MYOF: variants seen among roughly 807,000 people sequenced by gnomAD.
MYOF encodes the protein fer-1-like 3, myoferlin.
In MYOF, 244 loss-of-function variants were observed where a neutral mutation model predicts 284.2. That is an observed-to-expected ratio of 0.86 (90% CI 0.77 to 0.95). MYOF has a LOEUF of 0.95. Among genes scored for constraint, MYOF ranks in the 40% least tolerant of loss-of-function variants. MYOF has a pLI of 0.00. For synonymous variants in MYOF, 904 were observed against 919.7 expected (o/e 0.98, Z 0.31); for missense variants, 2,496 against 2,560.6 (o/e 0.97, Z 0.54).
intron 7 of MYOF, among the ~76,000 whole-genome samples, chr10:93,406,953 T>C (rs1238912350): frequency 6.6e-6 from 1 of 152,182 alleles, no homozygotes; most frequent in Non-Finnish European, 1.5e-5. Flanking sequence ...GACATAGGCC[T>C]GAGGAATCCC....
At position 93,452,156 on chromosome 10, in the gene MYOF, GT is replaced by G; in HGVS notation, c.145-16del. ...AACTCCAAAATCTGTTCACAGAAAG[GT>G]TTTGAAAAAAGAGAAAAAAAAAGGC... On this transcript the variant is annotated splice_polypyrimidine_tract_variant and intron_variant, in intron 2 of 53. Transcript: ENST00000359263. 1 of 1,570,250 alleles carries G rather than the reference GT, an allele frequency of 6.4e-7. No individual in the cohort carries two copies. Among genetic ancestry groups the G allele is most frequent in the Non-Finnish European group, 8.7e-7 (1 of 1,152,344 alleles).
At position 93,328,835 on chromosome 10, in the gene MYOF, G is replaced by C. The variant is rs770191957; in HGVS notation, c.5059C>G (p.Pro1687Ala). Residue 1687 changes from proline (P) to alanine (A), a missense_variant, in exon 45 of 54, where the codon CCA becomes GCA. Pro to Ala is a conservative substitution (Grantham distance 27). This residue lies in a region of MYOF where 2,436 missense variants were observed against 2,480.7 expected (regional missense o/e 0.98). Transcript: ENST00000359263. ...LQNVARFKGFPQPILSEDGSR... is the reference protein window; with the variant it reads ...LQNVARFKGFAQPILSEDGSR... ...CCATCTTCGGAAAGGATGGGTTGTG[G>C]GAAGCCTTTGAATCTGGCGACATTT... 1 of 1,613,658 alleles carries C rather than the reference G, an allele frequency of 6.2e-7. No homozygotes were observed. Among genetic ancestry groups the C allele is most frequent in the South Asian group, 1.1e-5 (1 of 91,006 alleles).
chr10:93,378,679 G>GTA (rs1845957516), intron 21 of MYOF, among the ~76,000 whole-genome samples: 1 of 76,330 alleles, frequency 1.3e-5, no homozygotes, highest in African/African-American at 6.6e-5. Flanking sequence ...ATGTGTGTGT[G>GTA]TATGTGTGTG....
intron 32 of MYOF, among the ~76,000 whole-genome samples, chr10:93,353,486 C>A (rs1844626603): frequency 6.6e-6 from 1 of 151,922 alleles, no homozygotes; most frequent in African/African-American, 2.4e-5. Context: ...TACCAATCAA[C>A]CTGAGGGTCC....
chr10:93,322,244 C>T (rs1202419002), intron 48 of MYOF, among the ~76,000 whole-genome samples: 1 of 152,172 alleles, frequency 6.6e-6, no homozygotes, highest in Non-Finnish European at 1.5e-5. Context: ...TTAAATGTCG[C>T]AAGTCTTATC....
chr10:93,404,314 C>A, intron 7 of MYOF, 95 bp from the exon 8 acceptor site: 1 of 1,280,984 alleles, frequency 7.8e-7, no homozygotes, highest in South Asian at 1.3e-5. Context: ...CTAAAAAATG[C>A]AAAACACAAA....
chr10:93,364,162 C>A, intron 26 of MYOF, 87 bp from the exon 27 acceptor site: 1 of 1,084,880 alleles, frequency 9.2e-7, no homozygotes. Flanking sequence ...AGCATCTACA[C>A]CCTGGGAGTG....
In MYOF at chr10:93,473,406, T is replaced by C. The variant is rs2057193719; in HGVS notation, c.88+8701A>G. Reference sequence around the variant, plus strand: ...TGGTGTTTTTCTCTGAGCTATCTCATGCACGAGACGCTGCCACTGCAGTTG... The same window carrying C: ...TGGTGTTTTTCTCTGAGCTATCTCACGCACGAGACGCTGCCACTGCAGTTG... On this transcript the variant is annotated intron_variant, in intron 1 of 53. Coordinates refer to ENST00000359263, the MANE Select transcript of MYOF (RefSeq NM_013451.4). Among the ~76,000 whole-genome samples the C allele has an allele frequency of 1.3e-5, 2 of 152,218 alleles. 1 individual carries two copies. The highest frequency in any genetic ancestry group is 4.1e-4 in the South Asian group (2 of 4,826).
intron 3 of MYOF, among the ~76,000 whole-genome samples, chr10:93,446,234 G>A (rs1167787926): frequency 6.8e-6 from 1 of 147,904 alleles, no homozygotes; most frequent in Non-Finnish European, 1.5e-5. Flanking sequence ...ACTATGCAGT[G>A]GAATCTGCAG....
At chr10:93,385,000 G>A (rs1219894841) in intron 19 of MYOF, among the ~76,000 whole-genome samples, 1 of 152,222 alleles carries the variant, frequency 6.6e-6, no homozygotes. Flanking sequence ...GCTGTTTCTA[G>A]CAATATTTTT....
At chr10:93,411,824 C>T (rs1347997235) in intron 5 of MYOF, among the ~76,000 whole-genome samples, 1 of 152,236 alleles carries the variant, frequency 6.6e-6, no homozygotes, top group Admixed American at 6.5e-5. Flanking sequence ...TTTTCTGTAT[C>T]TCCATATTGG....
chr10:93,371,153 A>T (rs539874438), intron 24 of MYOF, among the ~76,000 whole-genome samples: 1 of 152,342 alleles, frequency 6.6e-6, no homozygotes, highest in South Asian at 2.1e-4. Flanking sequence ...ACATTATGTT[A>T]CAAAATCATG....
rs758386129 is a variant in MYOF at position 93,373,124 on chromosome 10, T to C, written c.2302-39A>G. On this transcript the variant is annotated intron_variant, in intron 23 of 53. Coordinates refer to ENST00000359263, the MANE Select transcript of MYOF (RefSeq NM_013451.4). Reference sequence around the variant, plus strand: ...TTGGATGGAAGAGGAAGCACAGCCATGGTTAGTCTAAATGGAGAGGGACCG... The same window carrying C: ...TTGGATGGAAGAGGAAGCACAGCCACGGTTAGTCTAAATGGAGAGGGACCG... The C allele has an allele frequency of 5.0e-6, 8 of 1,613,310 alleles. No individual in the cohort carries two copies. In the South Asian group the frequency reaches 5.5e-5, roughly 11 times the overall value.
chr10:93,448,310 C>T (rs926406600), intron 3 of MYOF, among the ~76,000 whole-genome samples: 2 of 151,904 alleles, frequency 1.3e-5, no homozygotes, highest in African/African-American at 4.8e-5. Context: ...GCTCAATTGT[C>T]ACCTTATCAC....
Position 93,382,955 on chromosome 10 carries a change from G to T in MYOF, c.1699-1559C>A, listed in dbSNP as rs564226165. On this transcript the variant is annotated intron_variant, in intron 19 of 53. Coordinates refer to ENST00000359263, the MANE Select transcript of MYOF (RefSeq NM_013451.4). ...CTGTCACCCTGGCTGGAGTACAGTG[G>T]CTTGATCTCGGCTCATTGCAACCTC... Among the ~76,000 whole-genome samples the T allele has an allele frequency of 3.9e-5, 6 of 152,192 alleles. No homozygotes were observed. The East Asian group carries it at 1.2e-3, about 29-fold the overall frequency.
intron 25 of MYOF, 38 bp downstream of exon 25, chr10:93,369,607 G>T: frequency 1.9e-6 from 3 of 1,610,510 alleles, no homozygotes; most frequent in South Asian, 2.2e-5. Flanking sequence ...CCCCTCCCCC[G>T]ACCAAAGAAG....
chr10:93,425,887 G>A (rs554818650), intron 5 of MYOF, 184 bp downstream of exon 5: 11 of 612,666 alleles, frequency 1.8e-5, no homozygotes, highest in Non-Finnish European at 3.2e-5. Flanking sequence ...TACCTTGAAG[G>A]GCATTTCATA....
Position 93,462,025 on chromosome 10 carries a change from T to A in MYOF, c.89-5088A>T, listed in dbSNP as rs1288594102. Among the ~76,000 whole-genome samples the A allele has an allele frequency of 2.0e-5, 3 of 151,800 alleles. No individual in the cohort carries two copies. The East Asian group carries it at 5.8e-4, about 29-fold the overall frequency. On this transcript the variant is annotated intron_variant, in intron 1 of 53. Coordinates refer to ENST00000359263, the MANE Select transcript of MYOF (RefSeq NM_013451.4). ...CCTGCAGCTCCTGGCACTCATTGTG[T>A]GAGGTTGATGCTAATGGCATTACCT...
chr10:93,409,640 A>G lies in MYOF; in HGVS notation c.533T>C (p.Leu178Pro), dbSNP rs763332580. ...GPVGTVSEAQ[L>P]ARRLTKVKNS... ...CTTTACTTTGGTGAGCCTCCGAGCA[A>G]GCTGAGCTTCCGACACCGTCCCAAC... is the stretch of plus-strand genomic sequence containing the variant. The change falls in exon 6 of 54, where the codon CTT (leucine) becomes CCT (proline). Residue 178 changes from leucine (L) to proline (P), a missense_variant. Transcript: ENST00000359263. 6.2e-7 allele frequency: 1 copy of G among 1,614,222 alleles called. No homozygotes were observed. The highest frequency in any genetic ancestry group is 2.2e-5 in the East Asian group (1 of 44,882).
Sources: allele counts gnomAD v4.1 joint callset (sites outside exome capture counted in the v4.1 genomes callset), GRCh38; gene constraint gnomAD v4.1.1; regional missense constraint gnomAD v4.1.1; transcripts MANE v1.5; gene names NCBI Gene and HGNC (gene_info 2026-07-23, HGNC 2026-07-21).